AGBL1: variants seen among roughly 807,000 people sequenced by gnomAD.
AGBL1 encodes cytosolic carboxypeptidase 4.
In AGBL1, 130 loss-of-function variants were observed where a neutral mutation model predicts 118.9. That is an observed-to-expected ratio of 1.09 (90% CI 0.95 to 1.26). AGBL1 has a LOEUF of 1.26. Among genes scored for constraint, AGBL1 ranks in the 50% most tolerant of loss-of-function variants. The pLI, the probability that AGBL1 is intolerant of heterozygous loss-of-function variation, is 0.00. For missense variants in AGBL1, 1,584 were observed against 1,298.1 expected (o/e 1.22, Z -3.38); for synonymous variants, 555 against 478.9 (o/e 1.16, Z -2.08).
chr15:86,271,144 G>A lies in AGBL1; in HGVS notation c.1988-475G>A, dbSNP rs368164687. 2.3e-4 allele frequency among the ~76,000 whole-genome samples: 32 copies of A among 137,550 alleles called. No individual in the cohort carries two copies. The South Asian group carries it at 7.1e-3, about 30-fold the overall frequency. The allele number at this position is 137,550 out of a possible 152,430, so 90.2% of individuals were successfully genotyped here. On this transcript the variant is annotated intron_variant, in intron 14 of 22. Transcript: ENST00000614907. ...CCGCTCACTGCAACCTCCGCCTCCC[G>A]GGTTCAAGCGATTCTCCTGCCTCAG... is the stretch of plus-strand genomic sequence containing the variant.
At chr15:86,753,237 A>G (rs142163394) in intron 22 of AGBL1, among the ~76,000 whole-genome samples, 7 of 151,950 alleles carry the variant, frequency 4.6e-5, no homozygotes, top group South Asian at 2.1e-4. Flanking sequence ...TTCTGGCTCA[A>G]TCTCCATTCT....
chr15:86,721,803 C>T (rs2086726059), intron 22 of AGBL1, among the ~76,000 whole-genome samples: 1 of 152,196 alleles, frequency 6.6e-6, no homozygotes, highest in Non-Finnish European at 1.5e-5. Context: ...GCAACTTCAG[C>T]AAAGTCTCAG....
intron 17 of AGBL1, among the ~76,000 whole-genome samples, chr15:86,304,035 T>A (rs2079797343): frequency 6.6e-6 from 1 of 152,164 alleles, no homozygotes; most frequent in African/African-American, 2.4e-5. Context: ...AGCTGTGCAA[T>A]AATGAGGGAA....
At chr15:86,898,860 GA>G (rs1567230115) in intron 22 of AGBL1, among the ~76,000 whole-genome samples, 1 of 152,140 alleles carries the variant, frequency 6.6e-6, no homozygotes, top group Non-Finnish European at 1.5e-5. Context: ...GCACCAGACA[GA>G]ATGGGTATCA....
At chr15:86,303,186 C>T (rs11073628) in intron 17 of AGBL1, among the ~76,000 whole-genome samples, 89,798 of 151,986 alleles carry the variant, frequency 0.59, 26,887 homozygotes, top group Middle Eastern at 0.7. Flanking sequence ...GGTTTCCCCA[C>T]ATATAAGTTG....
intron 21 of AGBL1, among the ~76,000 whole-genome samples, chr15:86,594,755 C>T (rs2084383510): frequency 6.6e-6 from 1 of 152,230 alleles, no homozygotes; most frequent in African/African-American, 2.4e-5. Flanking sequence ...CATAGTTTTA[C>T]ATCAGCAAAT....
At chr15:86,638,144 C>A (rs2085129239) in intron 21 of AGBL1, among the ~76,000 whole-genome samples, 1 of 152,136 alleles carries the variant, frequency 6.6e-6, no homozygotes. Flanking sequence ...TGAAAAAAAT[C>A]CTACAATGGT....
intron 1 of AGBL1, among the ~76,000 whole-genome samples, chr15:86,127,564 G>A (rs1241251667): frequency 6.6e-6 from 1 of 152,006 alleles, no homozygotes; most frequent in Admixed American, 6.5e-5. Context: ...AGGGCACGTG[G>A]GAAATCATAC....
At chr15:86,348,362 T>C (rs1012397266) in intron 17 of AGBL1, among the ~76,000 whole-genome samples, 26 of 152,198 alleles carry the variant, frequency 1.7e-4, no homozygotes, top group Non-Finnish European at 3.7e-4. Context: ...AATATGCAGC[T>C]CACAAAAATA....
At chr15:87,005,517 T>TCGTG (rs2081489248) in intron 24 of AGBL1, among the ~76,000 whole-genome samples, 1 of 152,248 alleles carries the variant, frequency 6.6e-6, no homozygotes, top group African/African-American at 2.4e-5. Flanking sequence ...CACATAGTTC[T>TCGTG]CGTGTCATGG....
At chr15:86,943,955 C>T (rs755987343) in intron 23 of AGBL1, among the ~76,000 whole-genome samples, 9 of 152,132 alleles carry the variant, frequency 5.9e-5, no homozygotes, top group Non-Finnish European at 1.3e-4. Flanking sequence ...ATGTAGCTGG[C>T]ACATGGAGTA....
intron 22 of AGBL1, among the ~76,000 whole-genome samples, chr15:86,722,028 C>T (rs2086729889): frequency 1.3e-5 from 2 of 152,044 alleles, no homozygotes; most frequent in Admixed American, 6.6e-5. Flanking sequence ...AATGGAAGAA[C>T]ATTCCATGCT....
chr15:86,333,910 A>C (rs1375264658), intron 17 of AGBL1, among the ~76,000 whole-genome samples: 1 of 152,250 alleles, frequency 6.6e-6, no homozygotes, highest in African/African-American at 2.4e-5. Context: ...GATTCACTGC[A>C]TAAAAATTTA....
rs149700912 is a variant in AGBL1, at chr15:86,314,919, C to G, written c.2374+19511C>G. Among the ~76,000 whole-genome samples, 641 of 152,222 alleles carry G rather than the reference C, an allele frequency of 4.2e-3. 7 individuals carry two copies. Among genetic ancestry groups the G allele is most frequent in the African/African-American group, 0.014 (600 of 41,526 alleles). ...GTCATCAGACTTGGATTGGAAATCT[C>G]GATTTTCTGAATTTTGGAAAGTGGC... On this transcript the variant is annotated intron_variant, in intron 17 of 22. Coordinates refer to ENST00000614907, the MANE Select transcript of AGBL1 (RefSeq NM_001386094.1).
chr15:86,328,565 A>C (rs1441238657), intron 17 of AGBL1, among the ~76,000 whole-genome samples: 1 of 152,202 alleles, frequency 6.6e-6, no homozygotes, highest in African/African-American at 2.4e-5. Flanking sequence ...ACTCAAGAGG[A>C]AAAACAGGAA....
intron 6 of AGBL1, among the ~76,000 whole-genome samples, chr15:86,231,400 GTC>G (rs1459689086): frequency 1.3e-5 from 2 of 152,216 alleles, no homozygotes; most frequent in African/African-American, 4.8e-5. Flanking sequence ...TAGAGCTGAT[GTC>G]TCTTCTTCCA....
At chr15:86,428,116 A>G (rs2081889602) in intron 18 of AGBL1, among the ~76,000 whole-genome samples, 1 of 152,220 alleles carries the variant, frequency 6.6e-6, no homozygotes, top group Non-Finnish European at 1.5e-5. Context: ...ATTAGTATTT[A>G]AAAAGGGTCC....
intron 18 of AGBL1, among the ~76,000 whole-genome samples, chr15:86,472,752 C>G (rs754307843): frequency 3.3e-5 from 5 of 152,272 alleles, no homozygotes; most frequent in Middle Eastern, 6.8e-3. Flanking sequence ...AGCCCCGTCT[C>G]TACTAAAAAT....
At chr15:86,868,692 A>G (rs2079674527) in intron 22 of AGBL1, among the ~76,000 whole-genome samples, 1 of 152,228 alleles carries the variant, frequency 6.6e-6, no homozygotes, top group Admixed American at 6.5e-5. Context: ...CATTAAAGAG[A>G]AAATCTTCAT....
Sources: gnomAD v4.1 joint callset for allele counts (sites outside exome capture counted in the v4.1 genomes callset) on GRCh38, gnomAD v4.1.1 for gene constraint, MANE v1.5 for transcripts, NCBI Gene and HGNC (gene_info 2026-07-23, HGNC 2026-07-21) for gene names.